Variants in ABR observed in about 807,000 individuals in gnomAD.
The protein encoded by ABR is ABR activator of RhoGEF and GTPase.
ABR carries 35 observed loss-of-function variants against 107.2 expected under a neutral mutation model. The observed-to-expected ratio is 0.33, with a 90% CI of 0.25 to 0.43. The LOEUF (loss-of-function observed/expected upper bound fraction) is 0.43, where lower values mean the gene tolerates loss of function less well. Ranked by LOEUF, ABR falls within the 20% of genes least tolerant of loss-of-function variation. ABR has a pLI of 1.00. For synonymous variants in ABR, 498 were observed against 462.0 expected, an observed-to-expected ratio of 1.08 and a Z score of -1.00; for missense variants, 815 against 1,115.2, an observed-to-expected ratio of 0.73 and a Z score of 3.83.
chr17:1,065,534 T>G (rs569934074), intron 10 of ABR, among the ~76,000 whole-genome samples: 1,888 of 136,846 alleles, frequency 0.014, 58 homozygotes, highest in African/African-American at 0.05. Context: ...GCTGTTGTTA[T>G]GTGAACTGAG....
At chr17:1,173,758 G>A (rs143637330) in intron 1 of ABR, among the ~76,000 whole-genome samples, 14 of 152,140 alleles carry the variant, frequency 9.2e-5, no homozygotes, top group African/African-American at 2.7e-4. Flanking sequence ...TGCGGGAGCC[G>A]CTGTGGGAGG....
exon 1 of ABR, among the ~76,000 whole-genome samples, chr17:1,229,405 G>T (rs1299232575): frequency 6.9e-6 from 1 of 145,820 alleles, no homozygotes; most frequent in African/African-American, 2.7e-5. Context: ...GGGTCGGGGC[G>T]CCCGGGCTCC....
Position 1,010,213 on chromosome 17 carries a change from T to C in ABR, c.2237-429A>G. On this transcript the variant is annotated intron_variant, in intron 20 of 22. Coordinates refer to ENST00000302538, the MANE Select transcript of ABR (RefSeq NM_021962.5). The surrounding 1 kb of genome is among the most constrained non-coding windows in gnomAD (Gnocchi z 4.1). ...TTCCGTGGGGGCTGAAGCTCCAGTC[T>C]GCCCCAGGAGCAGAGAAGGCTGAAG... 4.2e-6 allele frequency: 1 copy of C among 239,954 alleles called. No homozygotes were observed. Among genetic ancestry groups the C allele is most frequent in the Non-Finnish European group, 8.3e-6 (1 of 120,682 alleles). 14.9% of individuals were successfully genotyped at this position (239,954 alleles called of 1,614,324 possible). A position where few individuals can be genotyped will look rare whatever the true frequency, so the allele number is the denominator to read the frequency against.
intron 1 of ABR, among the ~76,000 whole-genome samples, chr17:1,139,333 G>A (rs1312195170): frequency 2.0e-5 from 3 of 152,076 alleles, no homozygotes; most frequent in African/African-American, 7.2e-5. Flanking sequence ...CTCACTGCAA[G>A]CTCCGCCTCC....
chr17:1,100,988 T>A (rs2037826814), intron 2 of ABR: 4 of 522,980 alleles, frequency 7.6e-6, no homozygotes, highest in Non-Finnish European at 1.4e-5. Flanking sequence ...CATGCCCAGA[T>A]AATTTTTGTA....
intron 1 of ABR, among the ~76,000 whole-genome samples, chr17:1,204,962 G>A (rs2042762449): frequency 7.0e-6 from 1 of 142,184 alleles, no homozygotes; most frequent in African/African-American, 2.6e-5. Flanking sequence ...GGAGTGCAAG[G>A]GCGTGATCTC....
chr17:1,012,288 G>A (rs1448704611), intron 18 of ABR: 1 of 643,190 alleles, frequency 1.6e-6, no homozygotes, highest in Admixed American at 2.1e-5. Flanking sequence ...GGCCCAGCAG[G>A]CAGCCCACAT....
In ABR at chr17:1,215,425, G is replaced by A. The variant is rs543718317; in HGVS notation, c.838+13368C>T. Among the ~76,000 whole-genome samples the A allele has an allele frequency of 4.6e-5, 7 of 152,274 alleles. No homozygotes were observed. In the South Asian group the frequency reaches 1.5e-3, roughly 32 times the overall value. ...GACTGGTTTTCGTATTTTTTTGGTG[G>A]AGACGGGGTTTCGCTGTGTTGGCCG... On this transcript the variant is annotated intron_variant, in intron 1 of 22. Coordinates refer to the ABR transcript ENST00000574139.
intron 1 of ABR, among the ~76,000 whole-genome samples, chr17:1,216,883 A>G (rs1461799124): frequency 6.6e-6 from 1 of 152,154 alleles, no homozygotes; most frequent in Non-Finnish European, 1.5e-5. Context: ...GCATTCAGGA[A>G]GCCACTCTGT....
At chr17:1,013,289 A>T (rs962481847) in intron 16 of ABR, 125 bp from the exon 17 acceptor site, 12 of 950,652 alleles carry the variant, frequency 1.3e-5, no homozygotes, top group Middle Eastern at 4.3e-4. Flanking sequence ...CAGCTGGGAT[A>T]AGCTGATGTT....
chr17:1,013,961 G>A (rs1049658462), intron 16 of ABR, among the ~76,000 whole-genome samples: 2 of 152,238 alleles, frequency 1.3e-5, no homozygotes, highest in African/African-American at 4.8e-5. Flanking sequence ...CTGAGCAACT[G>A]TGCGCTCCCT....
intron 1 of ABR, among the ~76,000 whole-genome samples, chr17:1,158,347 C>T (rs896423493): frequency 6.6e-6 from 1 of 151,916 alleles, no homozygotes; most frequent in African/African-American, 2.4e-5. Flanking sequence ...CCAGCCGCCT[C>T]GGCCTCCCAG....
At position 1,077,298 on chromosome 17, in the gene ABR, C is replaced by T. The variant is rs142087582; in HGVS notation, c.700+2032G>A. ...CACTCCTCATTCCCCACTTTGAAGC[C>T]GACTTCAACAACAGTATCACGGAGA... On this transcript the variant is annotated intron_variant, in intron 6 of 22. Coordinates refer to ENST00000302538, the MANE Select transcript of ABR (RefSeq NM_021962.5). 3.3e-3 allele frequency among the ~76,000 whole-genome samples: 506 copies of T among 152,312 alleles called. 7 individuals carry two copies. The highest frequency in any genetic ancestry group is 0.011 in the African/African-American group (452 of 41,574).
At chr17:1,139,435 G>C (rs181032904) in intron 1 of ABR, among the ~76,000 whole-genome samples, 211 of 152,088 alleles carry the variant, frequency 1.4e-3, no homozygotes, top group Non-Finnish European at 2.4e-3. Flanking sequence ...TGTATTTTTA[G>C]TAGAGACAGG....
chr17:1,021,286 C>T (rs540220305), intron 16 of ABR, among the ~76,000 whole-genome samples: 85 of 152,326 alleles, frequency 5.6e-4, no homozygotes, highest in African/African-American at 1.9e-3. Flanking sequence ...CCCAGGCCTC[C>T]GCCTCCTTCC....
chr17:1,159,548 A>G (rs1194690416), intron 1 of ABR, among the ~76,000 whole-genome samples: 8 of 77,342 alleles, frequency 1.0e-4, no homozygotes, highest in African/African-American at 3.7e-4. Flanking sequence ...ACACGGGAGA[A>G]GTAGGAATGC....
intron 2 of ABR, among the ~76,000 whole-genome samples, chr17:1,111,085 C>CCACATGAG (rs2038648680): frequency 1.3e-5 from 2 of 152,164 alleles, no homozygotes; most frequent in Admixed American, 1.3e-4. Flanking sequence ...CATGGGCTGC[C>CCACATGAG]CACATGAGTC....
chr17:1,156,551 G>A (rs2041051071), intron 1 of ABR, among the ~76,000 whole-genome samples: 1 of 152,140 alleles, frequency 6.6e-6, no homozygotes, highest in South Asian at 2.1e-4. Context: ...AGACGTGGTG[G>A]CGCACACCTA....
intron 1 of ABR, among the ~76,000 whole-genome samples, chr17:1,135,393 T>TTTTTA (rs2040018028): frequency 6.8e-6 from 1 of 146,182 alleles, no homozygotes; most frequent in African/African-American, 2.5e-5. Flanking sequence ...TTTTTTTTTT[T>TTTTTA]GAGACAGAGT....
Sources: allele counts gnomAD v4.1 joint callset (sites outside exome capture counted in the v4.1 genomes callset), GRCh38; gene constraint gnomAD v4.1.1; non-coding constraint Gnocchi (gnomAD v3.1); transcripts MANE v1.5; gene names NCBI Gene and HGNC (gene_info 2026-07-23, HGNC 2026-07-21).